CATSPERE: variants seen among roughly 807,000 people sequenced by gnomAD.
CATSPERE encodes the protein cation channel sperm-associated auxiliary subunit epsilon.
CATSPERE carries 93 observed loss-of-function variants against 114.1 expected under a neutral mutation model. The ratio of observed to expected loss-of-function variants is 0.81; its 90% CI spans 0.69 to 0.97. The LOEUF (loss-of-function observed/expected upper bound fraction) is 0.97. Ranked by LOEUF, CATSPERE falls within the 50% of genes least tolerant of loss-of-function variation. CATSPERE has a pLI of 0.00. For missense variants in CATSPERE, 1,058 were observed against 1,131.6 expected, an observed-to-expected ratio of 0.93 and a Z score of 0.93; for synonymous variants, 341 against 384.1, an observed-to-expected ratio of 0.89 and a Z score of 1.31.
At chr1:244,516,688 T>G (rs1676695272) in intron 7 of CATSPERE, among the ~76,000 whole-genome samples, 1 of 151,984 alleles carries the variant, frequency 6.6e-6, no homozygotes, top group South Asian at 2.1e-4. Flanking sequence ...GGCCCAGCTA[T>G]TTTTTGTATT....
intron 11 of CATSPERE, among the ~76,000 whole-genome samples, chr1:244,581,065 A>G (rs1404024783): frequency 1.3e-5 from 2 of 152,086 alleles, no homozygotes; most frequent in Non-Finnish European, 1.5e-5. Flanking sequence ...CAACCTACAT[A>G]TGCATCACTA....
intron 6 of CATSPERE, among the ~76,000 whole-genome samples, chr1:244,491,348 G>T (rs1387504034): frequency 6.6e-6 from 1 of 151,890 alleles, no homozygotes; most frequent in African/African-American, 2.4e-5. Flanking sequence ...ATGACTACTG[G>T]GTACATAACG....
intron 20 of CATSPERE, among the ~76,000 whole-genome samples, chr1:244,624,604 C>T (rs977262769): frequency 2.0e-5 from 3 of 151,938 alleles, no homozygotes; most frequent in African/African-American, 7.3e-5. Flanking sequence ...AGCTCGAGAC[C>T]AGCCTGGCCA....
At chr1:244,532,277 T>C (rs962879681) in intron 8 of CATSPERE, among the ~76,000 whole-genome samples, 2 of 152,136 alleles carry the variant, frequency 1.3e-5, no homozygotes, top group Admixed American at 6.5e-5. Flanking sequence ...CATTGATCTT[T>C]TGTATTGCCT....
chr1:244,606,928 A>G (rs988019344), intron 18 of CATSPERE, among the ~76,000 whole-genome samples: 5 of 152,002 alleles, frequency 3.3e-5, no homozygotes, highest in African/African-American at 1.2e-4. Flanking sequence ...GTAACCAAAT[A>G]CATCCGTCCC....
At chr1:244,613,447 T>C (rs1443351772) in intron 19 of CATSPERE, among the ~76,000 whole-genome samples, 4 of 152,158 alleles carry the variant, frequency 2.6e-5, no homozygotes, top group Admixed American at 6.5e-5. Flanking sequence ...TCGAGACATA[T>C]AGTAATATTT....
At chr1:244,505,226 T>G (rs1414520218) in intron 7 of CATSPERE, among the ~76,000 whole-genome samples, 1 of 152,210 alleles carries the variant, frequency 6.6e-6, no homozygotes, top group Non-Finnish European at 1.5e-5. Flanking sequence ...TAATCCGGTA[T>G]AATTCCTGCA....
intron 20 of CATSPERE, among the ~76,000 whole-genome samples, chr1:244,627,125 G>A (rs575676161): frequency 2.6e-4 from 40 of 152,212 alleles, no homozygotes; most frequent in African/African-American, 6.7e-4. Context: ...CAATATTGCC[G>A]TGTCTCAGGA....
At chr1:244,480,990 A>G (rs1670187186) in intron 5 of CATSPERE, among the ~76,000 whole-genome samples, 1 of 152,238 alleles carries the variant, frequency 6.6e-6, no homozygotes, top group African/African-American at 2.4e-5. Context: ...AAGTCCTGGT[A>G]GAGCCCTGGC....
At chr1:244,472,443 C>T (rs1668644580) in intron 2 of CATSPERE, among the ~76,000 whole-genome samples, 3 of 151,982 alleles carry the variant, frequency 2.0e-5, no homozygotes, top group Non-Finnish European at 4.4e-5. Context: ...TATACCTTTG[C>T]CCATGGCTTT....
intron 4 of CATSPERE, among the ~76,000 whole-genome samples, chr1:244,479,131 T>A (rs560611355): frequency 6.6e-6 from 1 of 151,888 alleles, no homozygotes. Flanking sequence ...TTCACTCTTA[T>A]TGCCCAGGCT....
chr1:244,592,354 G>T (rs915423195), intron 15 of CATSPERE, among the ~76,000 whole-genome samples: 1 of 152,026 alleles, frequency 6.6e-6, no homozygotes, highest in Non-Finnish European at 1.5e-5. Flanking sequence ...TTTTAATAAT[G>T]TGATGTATTA....
chr1:244,490,509 T>C (rs753291891), intron 6 of CATSPERE, 38 bp downstream of exon 6: 3 of 1,170,856 alleles, frequency 2.6e-6, no homozygotes, highest in Non-Finnish European at 3.8e-6. Context: ...CCTTCATATA[T>C]CACTAGTATA....
In CATSPERE at chr1:244,552,585, A is replaced by C; in HGVS notation, c.800A>C (p.Lys267Thr). Residue 267 changes from lysine to threonine, a missense_variant, in exon 9 of 22, where the codon AAA becomes ACA. Lys to Thr is a moderately conservative substitution (Grantham distance 78). Transcript: ENST00000366534. ...METFHTTDSFKSWTRIRVPPD... is the reference protein window; with the variant it reads ...METFHTTDSFTSWTRIRVPPD... ...ACCTTTCACACAACTGATTCATTCA[A>C]ATCTTGGACCAGAATCAGAGTGCCT... 6.2e-7 allele frequency: 1 copy of C among 1,614,180 alleles called. No individual in the cohort carries two copies. The highest frequency in any genetic ancestry group is 8.5e-7 in the Non-Finnish European group (1 of 1,180,026).
chr1:244,510,493 T>TA (rs1208956673), intron 7 of CATSPERE, among the ~76,000 whole-genome samples: 1 of 152,186 alleles, frequency 6.6e-6, no homozygotes, highest in African/African-American at 2.4e-5. Flanking sequence ...ATTCAATTTT[T>TA]AAAAAAATGT....
Position 244,499,049 on chromosome 1 carries a change from G to A in CATSPERE, c.399G>A (p.Glu133=), listed in dbSNP as rs753741327. 5 of 1,612,854 alleles carry A rather than the reference G, an allele frequency of 3.1e-6. No homozygotes were observed. The Admixed American group carries it at 8.3e-5, about 27-fold the overall frequency. ...AYDPESADPD[E]LLGNAEEPSI... ...ATCCAGAAAGTGCAGATCCTGATGA[G>A]TTGCTGGGGAATGCAGAAGAACCTT... The change falls in exon 7 of 22, where the codon GAG becomes GAA. Residue 133 remains glutamate (E), a synonymous_variant. Transcript: ENST00000366534.
intron 2 of CATSPERE, among the ~76,000 whole-genome samples, chr1:244,473,115 G>C (rs913670926): frequency 1.3e-5 from 2 of 152,156 alleles, no homozygotes; most frequent in African/African-American, 4.8e-5. Flanking sequence ...GACCCCATTT[G>C]GGTGAATACC....
intron 10 of CATSPERE, among the ~76,000 whole-genome samples, chr1:244,566,652 CTTTTTTTTTTTTTTTTT>C (rs59466928): frequency 2.3e-3 from 113 of 49,110 alleles, no homozygotes; most frequent in African/African-American, 4.1e-3. Flanking sequence ...GCAACCCCTG[CTTTTTTTTTTTTTTTTT>C]TTTTTTTTTT....
intron 8 of CATSPERE, among the ~76,000 whole-genome samples, chr1:244,551,157 C>T (rs984446562): frequency 7.2e-5 from 11 of 152,174 alleles, no homozygotes; most frequent in African/African-American, 2.4e-4. Context: ...TAAAATAAAG[C>T]TCTTTTCAGA....
Sources: gnomAD v4.1 joint callset for allele counts (sites outside exome capture counted in the v4.1 genomes callset) on GRCh38, gnomAD v4.1.1 for gene constraint, MANE v1.5 for transcripts, NCBI Gene and HGNC (gene_info 2026-07-23, HGNC 2026-07-21) for gene names.